Variants in FBXO32 observed in about 807,000 individuals in gnomAD.
FBXO32 encodes the protein F-box only protein 32.
Under a neutral mutation model 48.3 loss-of-function variants are expected in FBXO32, and 15 were observed. The ratio of observed to expected loss-of-function variants is 0.31; its 90% CI spans 0.21 to 0.48. The LOEUF is 0.48. Ranked by LOEUF, FBXO32 falls within the 20% of genes least tolerant of loss-of-function variation. FBXO32 has a pLI of 0.99. For synonymous variants in FBXO32, 154 were observed against 165.9 expected (o/e 0.93, Z 0.55); for missense variants, 309 against 432.7 (o/e 0.71, Z 2.54).
chr8:123,533,524 C>T (rs891991882), intron 2 of FBXO32, among the ~76,000 whole-genome samples: 12 of 152,178 alleles, frequency 7.9e-5, no homozygotes, highest in African/African-American at 2.9e-4. Context: ...TAAGAAATTA[C>T]AGGCCAGATG....
chr8:123,523,876 C>G (rs1395162904), intron 4 of FBXO32, among the ~76,000 whole-genome samples: 1 of 152,112 alleles, frequency 6.6e-6, no homozygotes, highest in Non-Finnish European at 1.5e-5. Flanking sequence ...TTGATGATGA[C>G]AGTAACAGCA....
chr8:123,513,216 G>T lies in FBXO32; in HGVS notation c.633C>A (p.Asn211Lys). Residue 211 changes from asparagine (N) to lysine (K), a missense_variant, in exon 6 of 9, where the codon AAC (asparagine) becomes AAA (lysine). By Grantham distance (94) the Asn-to-Lys change is moderately conservative. Coordinates refer to ENST00000517956, the MANE Select transcript of FBXO32 (RefSeq NM_058229.4). This position sits in a 1 kb window ranked among gnomAD's most constrained non-coding sequence, Gnocchi z 4.3. ...ETILHWQQQL[N>K]NIQITRPAFK... Reference sequence around the variant, plus strand: ...CGCTTACCCTGGTGATCTGAATGTTGTTCAGCTGCTGCTGCCAGTGGAGAA... The same window carrying T: ...CGCTTACCCTGGTGATCTGAATGTTTTTCAGCTGCTGCTGCCAGTGGAGAA... 6.2e-7 allele frequency: 1 copy of T among 1,614,056 alleles called. No individual in the cohort carries two copies. Among genetic ancestry groups the T allele is most frequent in the Non-Finnish European group, 8.5e-7 (1 of 1,179,948 alleles).
Position 123,503,149 on chromosome 8 carries a change from A to G in FBXO32, c.*224T>C, listed in dbSNP as rs1047799958. On this transcript the variant is annotated 3_prime_UTR_variant, in exon 9 of 9. Coordinates refer to ENST00000517956, the MANE Select transcript of FBXO32 (RefSeq NM_058229.4). ...ATTGTTAGAAAAAAAGTTTATTTAC[A>G]GTATTTTGCTTTTCCATACCAATTC... is the stretch of plus-strand genomic sequence containing the variant. 3 of 390,984 alleles carry G rather than the reference A, an allele frequency of 7.7e-6. No homozygotes were observed. The highest frequency in any genetic ancestry group is 4.3e-5 in the Admixed American group (1 of 23,498). The allele number at this position is 390,984 out of a possible 1,614,324, so 24.2% of individuals were successfully genotyped here. A position where few individuals can be genotyped will look rare whatever the true frequency, so the allele number is the denominator to read the frequency against.
At position 123,504,609 on chromosome 8, in the gene FBXO32, A is replaced by G; in HGVS notation, c.973T>C (p.Trp325Arg). 2.5e-6 allele frequency: 4 copies of G among 1,612,726 alleles called. No homozygotes were observed. Among genetic ancestry groups the G allele is most frequent in the Non-Finnish European group, 3.4e-6 (4 of 1,179,474 alleles). ...QLCKHCHILSWKGTDHPCTAN... is the reference protein window; with the variant it reads ...QLCKHCHILSRKGTDHPCTAN... ...GCCACCTCTGAGACACATACCTTCC[A>G]GGAAAGGATGTGACAGTGTTTGCAG... The change falls in exon 8 of 9, where the codon TGG becomes CGG. Residue 325 changes from tryptophan to arginine, a missense_variant. Physicochemically the swap from Trp to Arg is moderately radical, Grantham distance 101. Coordinates refer to ENST00000517956, the MANE Select transcript of FBXO32 (RefSeq NM_058229.4).
At chr8:123,517,208 G>A (rs556154594) in intron 4 of FBXO32, among the ~76,000 whole-genome samples, 72 of 152,276 alleles carry the variant, frequency 4.7e-4, no homozygotes, top group African/African-American at 1.6e-3. Flanking sequence ...CCAGAGCTCT[G>A]CCTGAAATCC....
In FBXO32 at chr8:123,513,467, C is replaced by T. The variant is rs1227358032; in HGVS notation, c.467-85G>A. 1 of 1,173,240 alleles carries T rather than the reference C, an allele frequency of 8.5e-7. No individual in the cohort carries two copies. Among genetic ancestry groups the T allele is most frequent in the African/African-American group, 1.5e-5 (1 of 65,504 alleles). The allele number at this position is 1,173,240 out of a possible 1,614,324, so 72.7% of individuals were successfully genotyped here. A position where few individuals can be genotyped will look rare whatever the true frequency, so the allele number is the denominator to read the frequency against. On this transcript the variant is annotated intron_variant, in intron 5 of 8. Transcript: ENST00000517956. This position sits in a 1 kb window ranked among gnomAD's most constrained non-coding sequence, Gnocchi z 4.3. ...ACATGAGCTTGTCTCTGTCTGTATTCCACTCATGTTACCCAGGCACTGCCT... is the reference window on the plus strand; with the variant it reads ...ACATGAGCTTGTCTCTGTCTGTATTTCACTCATGTTACCCAGGCACTGCCT...
rs1816439432 is a variant in FBXO32 at position 123,499,637 on chromosome 8, T to C, written c.*3736A>G. 1 of 152,176 alleles carries C rather than the reference T, an allele frequency of 6.6e-6. No individual in the cohort carries two copies. Among genetic ancestry groups the C allele is most frequent in the Non-Finnish European group, 1.5e-5 (1 of 68,016 alleles). 9.4% of individuals were successfully genotyped at this position (152,176 alleles called of 1,614,324 possible). ...AAAAACATAAACTCAGGTGTATATT[T>C]TATAATAAACATTGTATTGAATGCT... is the stretch of plus-strand genomic sequence containing the variant. On this transcript the variant is annotated 3_prime_UTR_variant, in exon 9 of 9. Transcript: ENST00000517956.
At chr8:123,526,725 C>T (rs1817085136) in intron 4 of FBXO32, among the ~76,000 whole-genome samples, 1 of 152,204 alleles carries the variant, frequency 6.6e-6, no homozygotes, top group Non-Finnish European at 1.5e-5. Context: ...TGCTACCCTT[C>T]TGAAACTTCA....
At chr8:123,503,973 G>GGGAGGCTGAAGCA in intron 8 of FBXO32, among the ~76,000 whole-genome samples, 1 of 152,064 alleles carries the variant, frequency 6.6e-6, no homozygotes. Flanking sequence ...CAGATACTCG[G>GGGAGGCTGAAGCA]GGAGGCTGAA....
chr8:123,541,048 G>C lies in FBXO32; in HGVS notation c.-34C>G, dbSNP rs766455644. The C allele has an allele frequency of 4.1e-6, 6 of 1,475,352 alleles. No individual in the cohort carries two copies. Among genetic ancestry groups the C allele is most frequent in the South Asian group, 1.2e-5 (1 of 82,382 alleles). The allele number at this position is 1,475,352 out of a possible 1,614,324, so 91.4% of individuals were successfully genotyped here. A position where few individuals can be genotyped will look rare whatever the true frequency, so the allele number is the denominator to read the frequency against. On this transcript the variant is annotated 5_prime_UTR_variant, in exon 1 of 9. Coordinates refer to ENST00000517956, the MANE Select transcript of FBXO32 (RefSeq NM_058229.4). The stretch of plus-strand genomic sequence containing the variant: ...GAGCGGACTAGACGGATGGGGAGAC[G>C]GGGCCGGCCTGGTGGGCTCGGGGAC...
At chr8:123,535,846 A>C (rs1817300277) in intron 1 of FBXO32, among the ~76,000 whole-genome samples, 1 of 134,088 alleles carries the variant, frequency 7.5e-6, no homozygotes. Context: ...TTTTTGCTAT[A>C]CCACCGATAT....
At chr8:123,535,924 C>A (rs1344787935) in intron 1 of FBXO32, among the ~76,000 whole-genome samples, 3 of 147,338 alleles carry the variant, frequency 2.0e-5, no homozygotes, top group African/African-American at 7.6e-5. Flanking sequence ...ACATCTTTTT[C>A]AGATATACAT....
Position 123,502,805 on chromosome 8 carries a change from T to C in FBXO32, c.*568A>G, listed in dbSNP as rs1816524369. 1 of 152,304 alleles carries C rather than the reference T, an allele frequency of 6.6e-6. No individual in the cohort carries two copies. The highest frequency in any genetic ancestry group is 1.9e-4 in the East Asian group (1 of 5,206). 9.4% of individuals were successfully genotyped at this position (152,304 alleles called of 1,614,324 possible). On this transcript the variant is annotated 3_prime_UTR_variant, in exon 9 of 9. Transcript: ENST00000517956. Reference sequence around the variant, plus strand: ...TGTCAGAGAGGGCACTCTACGCTTTTAGAGGTAGACCATTGTGTGGTATCT... The same window carrying C: ...TGTCAGAGAGGGCACTCTACGCTTTCAGAGGTAGACCATTGTGTGGTATCT...
Position 123,500,941 on chromosome 8 carries a change from G to T in FBXO32, c.*2432C>A, listed in dbSNP as rs1816469069. The T allele has an allele frequency of 6.6e-6, 1 of 152,234 alleles. No homozygotes were observed. The highest frequency in any genetic ancestry group is 1.5e-5 in the Non-Finnish European group (1 of 68,054). 9.4% of individuals were successfully genotyped at this position (152,234 alleles called of 1,614,324 possible). ...AGACCGTAACCCTTCTCTTGGGGCA[G>T]AGGTCATCTTGCACAGATGCACATG... On this transcript the variant is annotated 3_prime_UTR_variant, in exon 9 of 9. Coordinates refer to ENST00000517956, the MANE Select transcript of FBXO32 (RefSeq NM_058229.4).
In FBXO32 at chr8:123,514,068, G is replaced by A. The variant is rs1816789238; in HGVS notation, c.466+172C>T. 1.1e-5 allele frequency: 6 copies of A among 543,546 alleles called. No individual in the cohort carries two copies. The South Asian group carries it at 1.6e-4, about 14-fold the overall frequency. 33.7% of individuals were successfully genotyped at this position (543,546 alleles called of 1,614,324 possible). A position where few individuals can be genotyped will look rare whatever the true frequency, so the allele number is the denominator to read the frequency against. ...TGGTCTCACCCTTTGCCATGAGGAT[G>A]AGTTGTACCCCTTTCCGAACTGGAA... is the stretch of plus-strand genomic sequence containing the variant. On this transcript the variant is annotated intron_variant, in intron 5 of 8. Transcript: ENST00000517956.
At chr8:123,507,455 G>GTA (rs938381287) in intron 6 of FBXO32, among the ~76,000 whole-genome samples, 3 of 151,158 alleles carry the variant, frequency 2.0e-5, no homozygotes, top group African/African-American at 7.3e-5. Context: ...GTGTGTGTGT[G>GTA]TGTGTGTGTG....
chr8:123,540,190 C>T lies in FBXO32; in HGVS notation c.116+709G>A, dbSNP rs1817384080. 6.6e-6 allele frequency among the ~76,000 whole-genome samples: 1 copy of T among 152,166 alleles called. No individual in the cohort carries two copies. The highest frequency in any genetic ancestry group is 6.5e-5 in the Admixed American group (1 of 15,286). On this transcript the variant is annotated intron_variant, in intron 1 of 8. Coordinates refer to ENST00000517956, the MANE Select transcript of FBXO32 (RefSeq NM_058229.4). The surrounding 1 kb of genome is among the most constrained non-coding windows in gnomAD (Gnocchi z 6.4). ...ATACAAAGCAGACCGACCGAGAGGG[C>T]CACCGAGGAAACAGGTGCAAGAGCC...
At position 123,537,237 on chromosome 8, in the gene FBXO32, AT is replaced by A. The variant is rs575156237; in HGVS notation, c.117-2424del. 8.2e-3 allele frequency among the ~76,000 whole-genome samples: 1,211 copies of A among 147,102 alleles called. 10 individuals carry two copies. The highest frequency in any genetic ancestry group is 0.024 in the African/African-American group (958 of 40,526). The stretch of plus-strand genomic sequence containing the variant: ...CACCATTTAGGAATTGGAGCACAGG[AT>A]TTTTTTTTTTTTAATAAGCAAAACC... On this transcript the variant is annotated intron_variant, in intron 1 of 8. Coordinates refer to ENST00000517956, the MANE Select transcript of FBXO32 (RefSeq NM_058229.4).
chr8:123,508,442 C>G (rs1179939822), intron 6 of FBXO32, among the ~76,000 whole-genome samples: 1 of 152,080 alleles, frequency 6.6e-6, no homozygotes, highest in East Asian at 1.9e-4. Flanking sequence ...CATCTGGATC[C>G]CAGCTCCCCT....
Sources: gnomAD v4.1 joint callset for allele counts (sites outside exome capture counted in the v4.1 genomes callset) on GRCh38, gnomAD v4.1.1 for gene constraint, Gnocchi (gnomAD v3.1) non-coding constraint, MANE v1.5 for transcripts, NCBI Gene and HGNC (gene_info 2026-07-23, HGNC 2026-07-21) for gene names.